ZNF324B: variants seen among roughly 807,000 people sequenced by gnomAD.
The protein encoded by ZNF324B is zinc finger protein 324B.
A neutral mutation model predicts 10.6 loss-of-function variants in ZNF324B; 7 were observed. The ratio of observed to expected loss-of-function variants is 0.66; its 90% CI spans 0.38 to 1.24. The LOEUF (loss-of-function observed/expected upper bound fraction) is 1.24, where lower values mean the gene tolerates loss of function less well. ZNF324B is among the 50% of genes most tolerant of loss of function. The pLI, the probability that ZNF324B is intolerant of heterozygous loss-of-function variation, is 0.02. For missense variants in ZNF324B, 640 were observed against 764.7 expected (o/e 0.84, Z 1.92); for synonymous variants, 316 against 321.0 (o/e 0.98, Z 0.17).
At chr19:58,436,939 C>T in the ZNF324B span, 14 of 1,499,388 alleles carry the variant, frequency 9.3e-6, no homozygotes, top group South Asian at 2.3e-5. Context: ...ACAGGAAACC[C>T]GAGAAGGAAG....
chr19:58,456,650 CTCTTCAGA>C lies in ZNF324B; in HGVS notation c.*74_*81del, dbSNP rs1217097000. 1 of 1,507,196 alleles carries C rather than the reference CTCTTCAGA, an allele frequency of 6.6e-7. No individual in the cohort carries two copies. The highest frequency in any genetic ancestry group is 9.0e-7 in the Non-Finnish European group (1 of 1,116,564). The allele number at this position is 1,507,196 out of a possible 1,614,324, so 93.4% of individuals were successfully genotyped here. On this transcript the variant is annotated 3_prime_UTR_variant, in exon 4 of 4. Transcript: ENST00000336614. The surrounding 1 kb of genome is among the most constrained non-coding windows in gnomAD (Gnocchi z 4.7). ...CTTCCACAGCTAAAGGGTCCGAGTG[CTCTTCAGA>C]TCCACGATGGGGAAAAGCTCTGTGC...
the ZNF324B span, chr19:58,441,242 T>G: frequency 6.6e-6 from 1 of 152,220 alleles, no homozygotes; most frequent in Non-Finnish European, 1.5e-5. Context: ...GAGTTAGAAT[T>G]TGGAAAGTAT....
chr19:58,441,817 A>G, the ZNF324B span: 2 of 152,364 alleles, frequency 1.3e-5, no homozygotes, highest in African/African-American at 4.8e-5. Context: ...CTGTCTGCCC[A>G]TTGGCTTGGT....
chr19:58,433,769 TGA>T, the ZNF324B span: 1 of 1,614,094 alleles, frequency 6.2e-7, no homozygotes. Flanking sequence ...CAGTGTTCAA[TGA>T]GAGTGGAGCT....
At chr19:58,432,442 C>G in the ZNF324B span, 1 of 394,148 alleles carries the variant, frequency 2.5e-6, no homozygotes, top group Non-Finnish European at 5.0e-6. Context: ...TGCCCTAGTT[C>G]ACCAGTCTAC....
the ZNF324B span, among the ~76,000 whole-genome samples, chr19:58,438,111 G>A: frequency 7.7e-4 from 118 of 152,282 alleles, 1 homozygote; most frequent in Non-Finnish European, 9.4e-4. Flanking sequence ...AAGGATGGCC[G>A]CAACAATGTA....
rs2052880431 is a variant in ZNF324B, at chr19:58,453,305, CT to C, written c.-6-390del. 16 of 283,966 alleles carry C rather than the reference CT, an allele frequency of 5.6e-5. 1 individual carries two copies. Among genetic ancestry groups the C allele is most frequent in the South Asian group, 5.0e-4 (15 of 29,792 alleles). The allele number at this position is 283,966 out of a possible 1,614,324, so 17.6% of individuals were successfully genotyped here. On this transcript the variant is annotated intron_variant, in intron 1 of 3. Transcript: ENST00000336614. ...GGGAAGGTCTCAGTGATGGGCATGC[CT>C]GGGGGGTCCACAGCTGGGACTTACA...
At chr19:58,431,178 A>G in the ZNF324B span, 1 of 151,762 alleles carries the variant, frequency 6.6e-6, no homozygotes, top group Non-Finnish European at 1.5e-5. Context: ...GGTTTGATCC[A>G]CTCCCTTGTG....
intron 2 of ZNF324B, 122 bp downstream of exon 2, chr19:58,453,944 T>C: frequency 7.1e-7 from 1 of 1,417,486 alleles, no homozygotes; most frequent in African/African-American, 1.4e-5. Flanking sequence ...AAGGGTCTGG[T>C]CCTGTAGACA....
At chr19:58,439,878 G>T in the ZNF324B span, 1 of 1,517,724 alleles carries the variant, frequency 6.6e-7, no homozygotes, top group African/African-American at 1.4e-5. Context: ...CTTCCGCTGG[G>T]TGACGGTCGC....
the ZNF324B span, among the ~76,000 whole-genome samples, chr19:58,426,855 A>G: frequency 6.6e-6 from 1 of 152,210 alleles, no homozygotes; most frequent in African/African-American, 2.4e-5. Flanking sequence ...CACTGCATCA[A>G]GGGGCTGAAG....
At chr19:58,438,815 G>T in the ZNF324B span, among the ~76,000 whole-genome samples, 3 of 149,802 alleles carry the variant, frequency 2.0e-5, no homozygotes, top group Admixed American at 6.7e-5. Context: ...CTGTCACTCA[G>T]GCTGGAGCGC....
the ZNF324B span, among the ~76,000 whole-genome samples, chr19:58,439,133 C>T: frequency 6.6e-6 from 1 of 152,152 alleles, no homozygotes; most frequent in Non-Finnish European, 1.5e-5. Context: ...ATCCATGGCC[C>T]AGTTTGGGCA....
chr19:58,439,662 C>A, the ZNF324B span: 1 of 1,326,320 alleles, frequency 7.5e-7, no homozygotes, highest in South Asian at 1.6e-5. Flanking sequence ...AGGACACGAT[C>A]AAGAGTCCCA....
At chr19:58,438,424 G>A in the ZNF324B span, among the ~76,000 whole-genome samples, 4 of 150,886 alleles carry the variant, frequency 2.7e-5, no homozygotes, top group Non-Finnish European at 5.9e-5. Context: ...TCTTCCCCCT[G>A]AAATCTACTC....
chr19:58,450,074 C>A (rs1350742415), upstream of ZNF324B, among the ~76,000 whole-genome samples: 1 of 152,066 alleles, frequency 6.6e-6, no homozygotes, highest in African/African-American at 2.4e-5. Flanking sequence ...GACAGTTTCC[C>A]CCATACTATT....
intron 3 of ZNF324B, chr19:58,454,976 T>C (rs1323631441): frequency 1.3e-6 from 1 of 745,740 alleles, no homozygotes; most frequent in African/African-American, 1.7e-5. Context: ...GCCTTGATCA[T>C]GGGAGTCCCC....
At chr19:58,444,429 G>A in the ZNF324B span, 2 of 152,250 alleles carry the variant, frequency 1.3e-5, no homozygotes, top group South Asian at 4.1e-4. Context: ...GAGACCAGGA[G>A]TTTGAGTCCA....
At chr19:58,427,115 TC>T in the ZNF324B span, among the ~76,000 whole-genome samples, 2 of 151,928 alleles carry the variant, frequency 1.3e-5, no homozygotes, top group Non-Finnish European at 2.9e-5. Context: ...CTTTTTTTTT[TC>T]CTTTTTTATT....
Sources: gnomAD v4.1 joint callset for allele counts (sites outside exome capture counted in the v4.1 genomes callset) on GRCh38, gnomAD v4.1.1 for gene constraint, Gnocchi (gnomAD v3.1) non-coding constraint, MANE v1.5 for transcripts, NCBI Gene and HGNC (gene_info 2026-07-23, HGNC 2026-07-21) for gene names.